L3MBTL3: variants seen among roughly 807,000 people sequenced by gnomAD.
The protein encoded by L3MBTL3 is lethal(3)malignant brain tumor-like protein 3.
Under a neutral mutation model 102.3 loss-of-function variants are expected in L3MBTL3, and 27 were observed. The observed-to-expected ratio is 0.26, with a 90% CI of 0.19 to 0.36. The LOEUF is 0.36. Ranked by LOEUF, L3MBTL3 falls within the 10% of genes least tolerant of loss-of-function variation. The pLI, the probability that L3MBTL3 is intolerant of heterozygous loss-of-function variation, is 1.00. For missense variants in L3MBTL3, 798 were observed against 955.3 expected, an observed-to-expected ratio of 0.84 and a Z score of 2.17; for synonymous variants, 340 against 320.9, an observed-to-expected ratio of 1.06 and a Z score of -0.64.
intron 18 of L3MBTL3, among the ~76,000 whole-genome samples, chr6:130,098,047 A>G (rs1784460686): frequency 6.6e-6 from 1 of 152,120 alleles, no homozygotes; most frequent in Admixed American, 6.5e-5. Context: ...AGCCTGGGCA[A>G]CAAGAGCGAA....
intron 19 of L3MBTL3, among the ~76,000 whole-genome samples, chr6:130,111,786 A>G (rs1236399439): frequency 6.6e-6 from 1 of 152,126 alleles, no homozygotes; most frequent in African/African-American, 2.4e-5. Flanking sequence ...TTAGCCCACC[A>G]CATTCTGCCA....
At chr6:130,088,045 G>A (rs949002925) in intron 16 of L3MBTL3, among the ~76,000 whole-genome samples, 2 of 152,026 alleles carry the variant, frequency 1.3e-5, no homozygotes, top group African/African-American at 4.8e-5. Flanking sequence ...GCCCAGAGAG[G>A]TCAAGTATGC....
intron 19 of L3MBTL3, among the ~76,000 whole-genome samples, chr6:130,107,043 A>G (rs1785026077): frequency 6.6e-6 from 1 of 152,248 alleles, no homozygotes. Flanking sequence ...CTGGCAGAGT[A>G]GCAATGACCA....
intron 2 of L3MBTL3, among the ~76,000 whole-genome samples, chr6:130,033,419 T>C (rs1024342021): frequency 3.9e-5 from 6 of 152,238 alleles, no homozygotes; most frequent in Non-Finnish European, 8.8e-5. Context: ...TGTCATATAG[T>C]AGGCATCATA....
chr6:130,117,684 T>C (rs972827161), intron 19 of L3MBTL3, among the ~76,000 whole-genome samples: 2 of 152,096 alleles, frequency 1.3e-5, no homozygotes, highest in African/African-American at 2.4e-5. Flanking sequence ...GGTTGTCCAA[T>C]TGAATAAACA....
chr6:130,118,874 A>T (rs1382626646), intron 19 of L3MBTL3, among the ~76,000 whole-genome samples: 1 of 152,130 alleles, frequency 6.6e-6, no homozygotes, highest in Non-Finnish European at 1.5e-5. Context: ...CAAAGATTTT[A>T]CTTTCTTATT....
intron 9 of L3MBTL3, among the ~76,000 whole-genome samples, chr6:130,059,086 A>G (rs567470234): frequency 6.8e-4 from 104 of 152,260 alleles, no homozygotes; most frequent in African/African-American, 2.3e-3. Context: ...TTAAAAAAAA[A>G]GTTTAAATGT....
At chr6:130,050,630 C>T (rs1483905391) in intron 5 of L3MBTL3, among the ~76,000 whole-genome samples, 1 of 152,150 alleles carries the variant, frequency 6.6e-6, no homozygotes, top group Non-Finnish European at 1.5e-5. Context: ...CCTCTCTTTT[C>T]TTCTAGACTG....
chr6:130,086,124 T>A lies in L3MBTL3; in HGVS notation c.1408-16T>A, dbSNP rs1262344063. On this transcript the variant is annotated splice_polypyrimidine_tract_variant and intron_variant, in intron 15 of 22. Coordinates refer to ENST00000361794, the MANE Select transcript of L3MBTL3 (RefSeq NM_032438.4). Reference sequence around the variant, plus strand: ...TTCCTCTTTATCTCACTCTGTAAAATTTTTTTTTGTGGCAGAAACCTCCTC... The same window carrying A: ...TTCCTCTTTATCTCACTCTGTAAAAATTTTTTTTGTGGCAGAAACCTCCTC... 4.0e-6 allele frequency: 6 copies of A among 1,497,956 alleles called. No individual in the cohort carries two copies. The highest frequency in any genetic ancestry group is 4.6e-6 in the Non-Finnish European group (5 of 1,081,020). 92.8% of individuals were successfully genotyped at this position (1,497,956 alleles called of 1,614,324 possible). A position where few individuals can be genotyped will look rare whatever the true frequency, so the allele number is the denominator to read the frequency against.
chr6:130,113,204 G>A (rs1008060965), intron 19 of L3MBTL3, among the ~76,000 whole-genome samples: 5 of 152,254 alleles, frequency 3.3e-5, no homozygotes, highest in South Asian at 2.1e-4. Context: ...CACTGCTCCC[G>A]GAGGTACTCA....
intron 16 of L3MBTL3, among the ~76,000 whole-genome samples, chr6:130,091,566 A>T (rs1784052039): frequency 6.6e-6 from 1 of 152,120 alleles, no homozygotes; most frequent in African/African-American, 2.4e-5. Context: ...TTATAATAAG[A>T]CATATCTTTT....
chr6:130,055,107 T>A, intron 7 of L3MBTL3, 64 bp from the exon 8 acceptor site: 1 of 1,195,126 alleles, frequency 8.4e-7, no homozygotes, highest in Non-Finnish European at 1.3e-6. Context: ...CTGATAGCTC[T>A]CTAACTATTC....
intron 13 of L3MBTL3, 76 bp downstream of exon 13, chr6:130,071,203 C>A: frequency 2.3e-6 from 3 of 1,299,862 alleles, no homozygotes; most frequent in Non-Finnish European, 3.2e-6. Flanking sequence ...AGTAATAGTG[C>A]AACGCTTATA....
chr6:130,039,447 G>A (rs1780277730), intron 2 of L3MBTL3, among the ~76,000 whole-genome samples: 1 of 151,996 alleles, frequency 6.6e-6, no homozygotes, highest in Non-Finnish European at 1.5e-5. Flanking sequence ...GTGATTGGTT[G>A]ATATGTTTCT....
intron 20 of L3MBTL3, among the ~76,000 whole-genome samples, chr6:130,121,304 T>C (rs1429916254): frequency 6.6e-6 from 1 of 152,128 alleles, no homozygotes; most frequent in African/African-American, 2.4e-5. Context: ...TTAGCTCCCA[T>C]GTGTAAGTGA....
At chr6:130,070,003 A>G (rs1782520632) in intron 12 of L3MBTL3, among the ~76,000 whole-genome samples, 2 of 152,234 alleles carry the variant, frequency 1.3e-5, no homozygotes, top group Non-Finnish European at 2.9e-5. Context: ...TTTTGCAATG[A>G]TAGTTGTATA....
intron 13 of L3MBTL3, among the ~76,000 whole-genome samples, chr6:130,075,964 A>G (rs557458471): frequency 2.0e-5 from 3 of 152,214 alleles, no homozygotes; most frequent in African/African-American, 4.8e-5. Flanking sequence ...TAATATTTCA[A>G]ACAGCTACTG....
intron 14 of L3MBTL3, among the ~76,000 whole-genome samples, chr6:130,079,095 A>T (rs1202388007): frequency 1.3e-5 from 2 of 152,214 alleles, no homozygotes; most frequent in East Asian, 1.9e-4. Context: ...AGAAAAATGG[A>T]TAAGAGGGAC....
chr6:130,075,945 G>A (rs185411336), intron 13 of L3MBTL3, among the ~76,000 whole-genome samples: 46 of 152,302 alleles, frequency 3.0e-4, no homozygotes, highest in African/African-American at 1.1e-3. Context: ...TTTTAAGCTT[G>A]AAGCAAATTA....
Sources: allele counts gnomAD v4.1 joint callset (sites outside exome capture counted in the v4.1 genomes callset), GRCh38; gene constraint gnomAD v4.1.1; transcripts MANE v1.5; gene names NCBI Gene and HGNC (gene_info 2026-07-23, HGNC 2026-07-21).